Variants in SQOR observed in about 807,000 individuals in gnomAD.
SQOR encodes sulfide quinone oxidoreductase, also known as sulfide:quinone oxidoreductase, mitochondrial.
Under a neutral mutation model 48.6 loss-of-function variants are expected in SQOR, and 39 were observed. The ratio of observed to expected loss-of-function variants is 0.80; its 90% CI spans 0.62 to 1.05. SQOR has a LOEUF of 1.05. Ranked by LOEUF, SQOR falls within the 50% of genes least tolerant of loss-of-function variation. The pLI is 0.00. For synonymous variants in SQOR, 220 were observed against 206.2 expected (o/e 1.07, Z -0.57); for missense variants, 561 against 559.9 (o/e 1.00, Z -0.02).
upstream of SQOR, among the ~76,000 whole-genome samples, chr15:45,634,053 G>A (rs777159613): frequency 1.6e-4 from 24 of 151,084 alleles, no homozygotes; most frequent in Non-Finnish European, 2.9e-4. Flanking sequence ...GCACACACCT[G>A]TAGTCCCAGC....
chr15:45,688,046 C>T (rs1347355582), intron 7 of SQOR, among the ~76,000 whole-genome samples: 1 of 152,208 alleles, frequency 6.6e-6, no homozygotes, highest in Non-Finnish European at 1.5e-5. Context: ...TTGACAGCCT[C>T]AACCCCAAGA....
intron 6 of SQOR, among the ~76,000 whole-genome samples, chr15:45,677,504 G>GTA (rs1205469629): frequency 6.6e-6 from 1 of 152,150 alleles, no homozygotes; most frequent in East Asian, 1.9e-4. Flanking sequence ...CTACAGTCAG[G>GTA]TATTACATTC....
chr15:45,685,060 T>C lies in SQOR; in HGVS notation c.1048+2399T>C, dbSNP rs1890197642. 2.0e-5 allele frequency among the ~76,000 whole-genome samples: 3 copies of C among 152,218 alleles called. No homozygotes were observed. The South Asian group carries it at 6.2e-4, about 32-fold the overall frequency. ...AGTACCATAATGAGTGCTCTTTACCTGCTATTTAGGTTGGTGCAAAAGTAA... is the reference window on the plus strand; with the variant it reads ...AGTACCATAATGAGTGCTCTTTACCCGCTATTTAGGTTGGTGCAAAAGTAA... On this transcript the variant is annotated intron_variant, in intron 7 of 9. Transcript: ENST00000260324.
chr15:45,678,321 G>A (rs1315470870), intron 6 of SQOR, among the ~76,000 whole-genome samples: 4 of 152,160 alleles, frequency 2.6e-5, no homozygotes, highest in African/African-American at 9.7e-5. Context: ...ATGGTGATTT[G>A]CTAACTGTGA....
At chr15:45,687,946 T>C (rs1890251666) in intron 7 of SQOR, among the ~76,000 whole-genome samples, 1 of 152,222 alleles carries the variant, frequency 6.6e-6, no homozygotes, top group Admixed American at 6.5e-5. Flanking sequence ...TGGAAATGCC[T>C]GGGGCTACCA....
intron 1 of SQOR, among the ~76,000 whole-genome samples, chr15:45,641,478 G>T (rs192544106): frequency 4.6e-5 from 7 of 152,264 alleles, no homozygotes; most frequent in African/African-American, 1.7e-4. Flanking sequence ...GCCCACTACT[G>T]GTGTACTTGC....
At chr15:45,642,623 GC>G (rs1381032038) in intron 1 of SQOR, among the ~76,000 whole-genome samples, 1 of 152,056 alleles carries the variant, frequency 6.6e-6, no homozygotes, top group Non-Finnish European at 1.5e-5. Context: ...GCGCTAGACT[GC>G]CCTCCTTTAT....
At chr15:45,644,242 C>T (rs1230605879) in intron 1 of SQOR, among the ~76,000 whole-genome samples, 1 of 152,182 alleles carries the variant, frequency 6.6e-6, no homozygotes, top group African/African-American at 2.4e-5. Flanking sequence ...CACCCGCCAT[C>T]ATGCCTGGCT....
chr15:45,661,416 C>A (rs1268913775), intron 2 of SQOR, among the ~76,000 whole-genome samples: 1 of 151,128 alleles, frequency 6.6e-6, no homozygotes, highest in Non-Finnish European at 1.5e-5. Flanking sequence ...TGTAAAATCT[C>A]TGAGTCTCTG....
intron 1 of SQOR, among the ~76,000 whole-genome samples, chr15:45,646,245 A>G (rs1459528544): frequency 1.3e-5 from 2 of 152,216 alleles, no homozygotes; most frequent in Non-Finnish European, 2.9e-5. Flanking sequence ...CAGAGAGGCC[A>G]TCCCTGGAGC....
chr15:45,676,213 CT>C lies in SQOR; in HGVS notation c.768del (p.Val257LeufsTer30). On this transcript the variant is annotated frameshift_variant, in exon 6 of 10. Coordinates refer to ENST00000260324, the MANE Select transcript of SQOR (RefSeq NM_021199.4). LOFTEE classifies it high-confidence loss of function. ...GAGATCATCCAGGAGCGGAACCTCA[CT>C]GTTAACTACAAGAAAAACCTCATTG... ...LQEIIQERNL[T>X]VNYKKNLIEV... 1 of 1,614,118 alleles carries C rather than the reference CT, an allele frequency of 6.2e-7. No individual in the cohort carries two copies. The highest frequency in any genetic ancestry group is 1.3e-5 in the African/African-American group (1 of 75,008).
In SQOR at chr15:45,682,681, T is replaced by C; in HGVS notation, c.1048+20T>C. On this transcript the variant is annotated intron_variant, in intron 7 of 9. Transcript: ENST00000260324. ...CAGTAGGTAAGTCAACCAGCTCCAT[T>C]TCTCCCTTTCTCAAAAATATGTCAC... 2.5e-6 allele frequency: 4 copies of C among 1,609,778 alleles called. No homozygotes were observed. The highest frequency in any genetic ancestry group is 3.4e-6 in the Non-Finnish European group (4 of 1,176,754).
intron 3 of SQOR, among the ~76,000 whole-genome samples, chr15:45,663,350 T>G (rs1889754751): frequency 6.6e-6 from 1 of 152,202 alleles, no homozygotes; most frequent in Middle Eastern, 3.2e-3. Flanking sequence ...TTTTGGGTCA[T>G]GGATCTTTCT....
chr15:45,657,154 T>C (rs1224920160), intron 1 of SQOR, among the ~76,000 whole-genome samples: 2 of 152,172 alleles, frequency 1.3e-5, no homozygotes, highest in Admixed American at 6.6e-5. Context: ...AGAAATCATC[T>C]TGTGTTCCAT....
At chr15:45,672,950 C>CAG (rs56917929) in intron 4 of SQOR, among the ~76,000 whole-genome samples, 54,618 of 151,988 alleles carry the variant, frequency 0.36, 10,517 homozygotes, top group East Asian at 0.69. Flanking sequence ...GGCCTGCTCC[C>CAG]AGTTTCTGAT....
intron 1 of SQOR, among the ~76,000 whole-genome samples, chr15:45,658,231 A>G (rs1292322291): frequency 1.3e-5 from 2 of 152,180 alleles, no homozygotes; most frequent in African/African-American, 4.8e-5. Context: ...ATGGCTTTCT[A>G]AAATCGTTTG....
intron 3 of SQOR, among the ~76,000 whole-genome samples, chr15:45,666,565 A>G (rs1165094797): frequency 6.6e-6 from 1 of 152,204 alleles, no homozygotes; most frequent in Admixed American, 6.5e-5. Context: ...AGCACCTTGC[A>G]CAGAGTAAAT....
At chr15:45,682,384 G>C in intron 6 of SQOR, 94 bp from the exon 7 acceptor site, 1 of 1,334,804 alleles carries the variant, frequency 7.5e-7, no homozygotes, top group Non-Finnish European at 1.0e-6. Context: ...TGCAGCCATA[G>C]CACAGTGTAT....
intron 1 of SQOR, among the ~76,000 whole-genome samples, chr15:45,637,650 G>A (rs1566912761): frequency 6.6e-6 from 1 of 152,128 alleles, no homozygotes; most frequent in East Asian, 1.9e-4. Context: ...CAGGGCCCAG[G>A]GTCTGTGTGT....
Sources: allele counts gnomAD v4.1 joint callset (sites outside exome capture counted in the v4.1 genomes callset), GRCh38; gene constraint gnomAD v4.1.1; transcripts MANE v1.5; gene names NCBI Gene and HGNC (gene_info 2026-07-23, HGNC 2026-07-21).